SLC6A5: variants seen among roughly 807,000 people sequenced by gnomAD.
The protein encoded by SLC6A5 is solute carrier family 6 member 5.
SLC6A5 carries 58 observed loss-of-function variants against 90.5 expected under a neutral mutation model. That is an observed-to-expected ratio of 0.64 (90% confidence interval 0.52 to 0.80). SLC6A5 has a LOEUF of 0.80. Among genes scored for constraint, SLC6A5 ranks in the 30% least tolerant of loss-of-function variants. SLC6A5 has a pLI of 0.00. For synonymous variants in SLC6A5, 427 were observed against 401.4 expected (o/e 1.06, Z -0.76); for missense variants, 1,015 against 1,017.6 (o/e 1.00, Z 0.03).
Position 20,637,188 on chromosome 11 carries a change from C to T in SLC6A5, c.1754C>T (p.Thr585Ile). ...CGGTTCCAGTTTGCCACCATCGAGA[C>T]CATAGTGACCTCCATCTCAGACGAG... is the stretch of plus-strand genomic sequence containing the variant. ...GLDTMFATIE[T>I]IVTSISDEFP... The change falls in exon 12 of 16, where the codon ACC becomes ATC. Residue 585 changes from threonine (T) to isoleucine (I), a missense_variant. This residue lies in a region of SLC6A5 where 442 missense variants were observed against 494.3 expected (regional missense o/e 0.89). Transcript: ENST00000525748. 6.2e-7 allele frequency: 1 copy of T among 1,613,928 alleles called. No individual in the cohort carries two copies. Among genetic ancestry groups the T allele is most frequent in the East Asian group, 2.2e-5 (1 of 44,866 alleles).
chr11:20,601,821 C>T (rs1324236142), intron 2 of SLC6A5, among the ~76,000 whole-genome samples, 156 bp downstream of exon 2: 1 of 152,196 alleles, frequency 6.6e-6, no homozygotes, highest in Non-Finnish European at 1.5e-5. Context: ...TTCGGAAGCT[C>T]GCACTGCGCT....
intron 1 of SLC6A5, 114 bp downstream of exon 1, chr11:20,599,789 G>A: frequency 1.6e-6 from 2 of 1,218,942 alleles, no homozygotes; most frequent in Non-Finnish European, 2.4e-6. Flanking sequence ...GGGGGAAAGG[G>A]GGCGACGAGG....
intron 13 of SLC6A5, among the ~76,000 whole-genome samples, chr11:20,644,810 T>A (rs908939832): frequency 6.6e-6 from 1 of 151,888 alleles, no homozygotes; most frequent in Admixed American, 6.5e-5. Flanking sequence ...TTTTTCTTTT[T>A]CTTTTTCTTT....
At position 20,600,335 on chromosome 11, in the gene SLC6A5, G is replaced by GGAAGAAGAGGAAGAA. The variant is rs1238147135; in HGVS notation, c.3+668_3+669insGGAAGAAGAAGAAGA. On this transcript the variant is annotated intron_variant, in intron 1 of 15. Transcript: ENST00000525748. ...AATAGTTACGCAAAAAAGAAGAAGA[G>GGAAGAAGAGGAAGAA]GAAGAAGAAGAAGAAGAAGAAGAAG... 5.5e-3 allele frequency among the ~76,000 whole-genome samples: 483 copies of GGAAGAAGAGGAAGAA among 87,864 alleles called. 12 individuals carry two copies. Among genetic ancestry groups the GGAAGAAGAGGAAGAA allele is most frequent in the Middle Eastern group, 0.012 (2 of 170 alleles). The allele number at this position is 87,864 out of a possible 152,430, so 57.6% of individuals were successfully genotyped here.
intron 5 of SLC6A5, among the ~76,000 whole-genome samples, chr11:20,612,932 A>G (rs927130295): frequency 3.3e-5 from 5 of 152,186 alleles, no homozygotes; most frequent in South Asian, 2.1e-4. Context: ...TTGCCACAAC[A>G]TCTGGAAAAG....
In SLC6A5 at chr11:20,601,539, G is replaced by T; in HGVS notation, c.414G>T (p.Lys138Asn). ...GGGATGCGAACGTGAGTGTGGGCAA[G>T]GGCACCCTGGAGCGGAACAATACCC... Reference protein sequence around the residue: ...PEGDANVSVGKGTLERNNTPV... With the variant: ...PEGDANVSVGNGTLERNNTPV... Residue 138 changes from lysine (K) to asparagine (N), a missense_variant, in exon 2 of 16, where the codon AAG becomes AAT. Around this residue, in one of 3 missense-constraint regions of SLC6A5, gnomAD observed 567 missense variants for 507.3 expected, o/e 1.12. Coordinates refer to ENST00000525748, the MANE Select transcript of SLC6A5 (RefSeq NM_004211.5). 1 of 1,614,152 alleles carries T rather than the reference G, an allele frequency of 6.2e-7. No individual in the cohort carries two copies. The highest frequency in any genetic ancestry group is 8.5e-7 in the Non-Finnish European group (1 of 1,179,996).
At chr11:20,631,256 G>A (rs1853104437) in intron 10 of SLC6A5, among the ~76,000 whole-genome samples, 1 of 152,210 alleles carries the variant, frequency 6.6e-6, no homozygotes, top group African/African-American at 2.4e-5. Flanking sequence ...CTTCAGAGGA[G>A]CATTTTCCTT....
rs1469265324 is a variant in SLC6A5 at position 20,607,151 on chromosome 11, T to G, written c.811+13T>G. The G allele has an allele frequency of 6.2e-7, 1 of 1,604,146 alleles. No homozygotes were observed. Among genetic ancestry groups the G allele is most frequent in the Non-Finnish European group, 8.5e-7 (1 of 1,174,956 alleles). On this transcript the variant is annotated intron_variant, in intron 4 of 15. Transcript: ENST00000525748. ...CCAGCTCTACAAGGTGAGTCCAGCC[T>G]GCCGCTCAGCCTCCTCAGGCCCTTT...
chr11:20,625,485 C>T (rs1041526200), intron 7 of SLC6A5, among the ~76,000 whole-genome samples: 1 of 152,186 alleles, frequency 6.6e-6, no homozygotes, highest in Non-Finnish European at 1.5e-5. Flanking sequence ...TGGTCTTGAA[C>T]TCCTGACCTC....
chr11:20,610,282 G>A (rs889804869), intron 5 of SLC6A5, among the ~76,000 whole-genome samples: 13 of 151,696 alleles, frequency 8.6e-5, no homozygotes, highest in Non-Finnish European at 1.8e-4. Context: ...CGGGCGCTGG[G>A]AAGCATGCTC....
chr11:20,647,458 T>A (rs1049647034), intron 14 of SLC6A5, among the ~76,000 whole-genome samples: 3 of 144,710 alleles, frequency 2.1e-5, no homozygotes, highest in African/African-American at 7.6e-5. Context: ...AGTTCCTATA[T>A]ATATTTATAT....
chr11:20,614,264 G>A (rs1852744979), intron 5 of SLC6A5, among the ~76,000 whole-genome samples: 1 of 152,142 alleles, frequency 6.6e-6, no homozygotes, highest in Non-Finnish European at 1.5e-5. Context: ...ATCTGAGTTC[G>A]AATCCTGATT....
Position 20,601,641 on chromosome 11 carries a change from C to T in SLC6A5, c.516C>T (p.Gly172=), listed in dbSNP as rs747444143. 1.2e-6 allele frequency: 2 copies of T among 1,613,966 alleles called. No homozygotes were observed. Among genetic ancestry groups the T allele is most frequent in the Non-Finnish European group, 1.7e-6 (2 of 1,179,978 alleles). The stretch of plus-strand genomic sequence containing the variant: ...ATGGAATCACGTCCGTGCTCCCGGG[C>T]AGCGTGGCCACCGTTGCCACCCAGG... ...ATDGITSVLP[G]SVATVATQED... The change falls in exon 2 of 16, where the codon GGC becomes GGT. Residue 172 remains glycine, a synonymous_variant. Coordinates refer to ENST00000525748, the MANE Select transcript of SLC6A5 (RefSeq NM_004211.5).
At chr11:20,613,360 G>T (rs1320446099) in intron 5 of SLC6A5, among the ~76,000 whole-genome samples, 1 of 152,292 alleles carries the variant, frequency 6.6e-6, no homozygotes, top group East Asian at 1.9e-4. Flanking sequence ...GCAAAATAAC[G>T]TCCTTTGGGA....
chr11:20,655,068 C>T lies in SLC6A5; in HGVS notation c.*200C>T, dbSNP rs565597279. 7.6e-5 allele frequency: 47 copies of T among 620,588 alleles called. No homozygotes were observed. The highest frequency in any genetic ancestry group is 6.7e-5 in the Non-Finnish European group (23 of 341,802). 38.4% of individuals were successfully genotyped at this position (620,588 alleles called of 1,614,324 possible). A position where few individuals can be genotyped will look rare whatever the true frequency, so the allele number is the denominator to read the frequency against. On this transcript the variant is annotated 3_prime_UTR_variant, in exon 16 of 16. Transcript: ENST00000525748. ...AGAGCTACATAGACCACCTGAAGCG[C>T]TGTTTGCCTGTGCCCATGGTGACTG...
chr11:20,604,223 G>A (rs1852531552), intron 2 of SLC6A5, 63 bp from the exon 3 acceptor site: 1 of 1,546,276 alleles, frequency 6.5e-7, no homozygotes, highest in African/African-American at 1.4e-5. Flanking sequence ...GGGGGAGGGT[G>A]GAAGGGGCCT....
intron 12 of SLC6A5, among the ~76,000 whole-genome samples, chr11:20,637,782 C>T (rs1427828249): frequency 6.6e-6 from 1 of 152,076 alleles, no homozygotes; most frequent in Non-Finnish European, 1.5e-5. Flanking sequence ...CTTTATTTAC[C>T]AATCAGGTAC....
At chr11:20,648,507 T>C (rs1853465336) in intron 14 of SLC6A5, among the ~76,000 whole-genome samples, 2 of 152,202 alleles carry the variant, frequency 1.3e-5, no homozygotes, top group African/African-American at 4.8e-5. Flanking sequence ...ATTTGGGGCA[T>C]GAGAGTTGAA....
At chr11:20,607,376 T>G in intron 4 of SLC6A5, 103 bp from the exon 5 acceptor site, 1 of 1,354,012 alleles carries the variant, frequency 7.4e-7, no homozygotes, top group Non-Finnish European at 1.1e-6. Context: ...GTGCATCCAT[T>G]CTGTACAAGA....
Sources: gnomAD v4.1 joint callset for allele counts (sites outside exome capture counted in the v4.1 genomes callset) on GRCh38, gnomAD v4.1.1 for gene constraint, gnomAD v4.1.1 regional missense constraint, MANE v1.5 for transcripts, NCBI Gene and HGNC (gene_info 2026-07-23, HGNC 2026-07-21) for gene names.